The following AGBL1 variants were observed in gnomAD, a reference collection of about 807,000 sequenced individuals.
AGBL1 encodes AGBL carboxypeptidase 1.
AGBL1 carries 130 observed loss-of-function variants against 118.9 expected under a neutral mutation model. The observed-to-expected ratio is 1.09, with a 90% confidence interval of 0.95 to 1.26. The LOEUF (loss-of-function observed/expected upper bound fraction) is 1.26. AGBL1 is among the 50% of genes most tolerant of loss of function. The pLI, the probability that AGBL1 is intolerant of heterozygous loss-of-function variation, is 0.00. For synonymous variants in AGBL1, 555 were observed against 478.9 expected (o/e 1.16, Z -2.08); for missense variants, 1,584 against 1,298.1 (o/e 1.22, Z -3.38).
chr15:86,574,021 C>T (rs1596280168), intron 21 of AGBL1, among the ~76,000 whole-genome samples: 2 of 151,746 alleles, frequency 1.3e-5, no homozygotes, highest in African/African-American at 4.9e-5. Context: ...AGAAAACTAC[C>T]AGCGACCAAA....
chr15:86,109,913 A>G (rs1452076305), intron 1 of AGBL1: 5 of 152,240 alleles, frequency 3.3e-5, no homozygotes, highest in South Asian at 4.1e-4. Flanking sequence ...GCTATCCACA[A>G]AAGTTTCTGC....
intron 18 of AGBL1, among the ~76,000 whole-genome samples, chr15:86,441,831 A>G (rs1271793696): frequency 6.6e-6 from 1 of 152,240 alleles, no homozygotes; most frequent in Non-Finnish European, 1.5e-5. Flanking sequence ...CAAGTCCAGC[A>G]GAGATGCTAG....
chr15:86,361,272 C>T (rs1845449023), intron 17 of AGBL1, among the ~76,000 whole-genome samples: 1 of 151,842 alleles, frequency 6.6e-6, no homozygotes, highest in Non-Finnish European at 1.5e-5. Context: ...CTTACTGTTA[C>T]TGATTTCTAT....
intron 24 of AGBL1, among the ~76,000 whole-genome samples, chr15:87,018,839 T>C (rs1410238572): frequency 6.6e-6 from 1 of 152,016 alleles, no homozygotes; most frequent in Admixed American, 6.6e-5. Flanking sequence ...AGCTGGATAA[T>C]GAGTGAAGAA....
chr15:86,152,244 C>T (rs1479858217), intron 3 of AGBL1, among the ~76,000 whole-genome samples: 1 of 152,172 alleles, frequency 6.6e-6, no homozygotes, highest in Non-Finnish European at 1.5e-5. Flanking sequence ...AAGCTGGAGA[C>T]ATCATGCTAC....
Position 86,826,448 on chromosome 15 carries a change from T to C in AGBL1, c.3159-80639T>C, listed in dbSNP as rs181022288. 4.6e-5 allele frequency among the ~76,000 whole-genome samples: 7 copies of C among 152,272 alleles called. No individual in the cohort carries two copies. The East Asian group carries it at 1.2e-3, about 25-fold the overall frequency. ...ACATCTAAAATTTACCATCTGATAATATTTTCTTAGAATTTCCAGAAAACA... is the reference window on the plus strand; with the variant it reads ...ACATCTAAAATTTACCATCTGATAACATTTTCTTAGAATTTCCAGAAAACA... On this transcript the variant is annotated intron_variant, in intron 22 of 22. Coordinates refer to ENST00000614907, the MANE Select transcript of AGBL1 (RefSeq NM_001386094.1).
intron 22 of AGBL1, among the ~76,000 whole-genome samples, chr15:86,751,964 A>G (rs1380347684): frequency 6.6e-6 from 1 of 152,048 alleles, no homozygotes; most frequent in East Asian, 1.9e-4. Flanking sequence ...TTTACAAACC[A>G]CCCTCAATCT....
chr15:86,122,858 C>G (rs907264083), intron 1 of AGBL1, among the ~76,000 whole-genome samples: 1 of 152,152 alleles, frequency 6.6e-6, no homozygotes, highest in Non-Finnish European at 1.5e-5. Context: ...GGAATTCAGG[C>G]ACAGCTGACC....
At chr15:86,753,767 T>C (rs1187506575) in intron 22 of AGBL1, among the ~76,000 whole-genome samples, 1 of 152,010 alleles carries the variant, frequency 6.6e-6, no homozygotes, top group East Asian at 1.9e-4. Context: ...CCCCTTTATC[T>C]CACCTACAAA....
chr15:86,828,433 G>A (rs1178832097), intron 22 of AGBL1, among the ~76,000 whole-genome samples: 2 of 152,166 alleles, frequency 1.3e-5, no homozygotes, highest in Admixed American at 1.3e-4. Context: ...ATCCCAGTGG[G>A]CTGGATGTAA....
At chr15:86,901,455 G>A (rs1369078740) in intron 22 of AGBL1, among the ~76,000 whole-genome samples, 1 of 151,952 alleles carries the variant, frequency 6.6e-6, no homozygotes, top group Non-Finnish European at 1.5e-5. Context: ...CTCTTATAGT[G>A]TAATAGTTTG....
At chr15:86,601,517 A>T (rs1366816823) in intron 21 of AGBL1, among the ~76,000 whole-genome samples, 1 of 152,206 alleles carries the variant, frequency 6.6e-6, no homozygotes, top group African/African-American at 2.4e-5. Flanking sequence ...GGGTTAATTA[A>T]TTCAATGAAT....
intron 23 of AGBL1, chr15:86,987,870 C>T (rs1221188356): frequency 2.6e-6 from 3 of 1,167,526 alleles, no homozygotes. Flanking sequence ...TATATATATC[C>T]TATTAAAGTT....
downstream of AGBL1, among the ~76,000 whole-genome samples, chr15:86,916,788 C>T (rs551807733): frequency 3.0e-4 from 45 of 152,218 alleles, no homozygotes; most frequent in East Asian, 4.6e-3. Context: ...CCAGCAGGCC[C>T]GGGGCTGGCC....
chr15:86,544,922 A>G (rs568662589), intron 19 of AGBL1, among the ~76,000 whole-genome samples: 4 of 152,306 alleles, frequency 2.6e-5, no homozygotes, highest in Admixed American at 2.6e-4. Context: ...ATTTTTCTCC[A>G]TTATTAGCAT....
intron 17 of AGBL1, among the ~76,000 whole-genome samples, chr15:86,315,091 A>G (rs889356223): frequency 5.9e-5 from 9 of 152,282 alleles, no homozygotes; most frequent in Middle Eastern, 3.4e-3. Flanking sequence ...CATACCCATA[A>G]TCTTTCACTC....
Position 86,975,735 on chromosome 15 carries a change from A to G in AGBL1, c.3222-12252A>G, listed in dbSNP as rs531190474. On this transcript the variant is annotated intron_variant, in intron 23 of 24. Transcript: ENST00000441037. ...TTTTTGCTTAACCATCCCACACTCAACCTGTCTTTCAGCTTAAATGTCAAT... is the reference window on the plus strand; with the variant it reads ...TTTTTGCTTAACCATCCCACACTCAGCCTGTCTTTCAGCTTAAATGTCAAT... 3.1e-4 allele frequency among the ~76,000 whole-genome samples: 47 copies of G among 152,068 alleles called. No individual in the cohort carries two copies. In the South Asian group the frequency reaches 9.5e-3, roughly 31 times the overall value.
At position 86,667,268 on chromosome 15, in the gene AGBL1, A is replaced by G. The variant is rs923963257; in HGVS notation, c.2995-7005A>G. ...TATGTATGTATGTATCTATCTATCT[A>G]TCTGTCTATCTTTGCTGTTGGCTTG... is the stretch of plus-strand genomic sequence containing the variant. On this transcript the variant is annotated intron_variant, in intron 21 of 22. Transcript: ENST00000614907. 1.1e-4 allele frequency among the ~76,000 whole-genome samples: 16 copies of G among 150,784 alleles called. 1 individual carries two copies. Among genetic ancestry groups the G allele is most frequent in the Non-Finnish European group, 2.1e-4 (14 of 67,836 alleles).
intron 21 of AGBL1, among the ~76,000 whole-genome samples, chr15:86,596,680 G>T (rs1040848611): frequency 6.6e-6 from 1 of 151,914 alleles, no homozygotes; most frequent in East Asian, 1.9e-4. Context: ...GTAGCCTACC[G>T]TGACTGTCTT....
Sources: gnomAD v4.1 joint callset for allele counts (sites outside exome capture counted in the v4.1 genomes callset) on GRCh38, gnomAD v4.1.1 for gene constraint, MANE v1.5 for transcripts, NCBI Gene and HGNC (gene_info 2026-07-23, HGNC 2026-07-21) for gene names.